Variants in ANK3 observed in about 807,000 individuals in gnomAD.
ANK3 encodes the protein ankyrin-3.
A neutral mutation model predicts 370.9 loss-of-function variants in ANK3; 57 were observed. The ratio of observed to expected loss-of-function variants is 0.15; its 90% CI spans 0.12 to 0.19. ANK3 has a LOEUF of 0.19. Ranked by LOEUF, ANK3 falls within the 10% of genes least tolerant of loss-of-function variation. ANK3 has a pLI of 1.00. For missense variants in ANK3, 4,439 were observed against 5,302.1 expected (o/e 0.84, Z 5.06); for synonymous variants, 1,929 against 1,946.3 (o/e 0.99, Z 0.23).
chr10:60,178,364 A>G (rs1445599824), intron 18 of ANK3, among the ~76,000 whole-genome samples: 1 of 152,170 alleles, frequency 6.6e-6, no homozygotes, highest in East Asian at 1.9e-4. Context: ...TTGGGACCTT[A>G]TGCAAGTAAT....
chr10:60,679,863 TG>T (rs2079171609), intron 1 of ANK3, among the ~76,000 whole-genome samples: 1 of 151,978 alleles, frequency 6.6e-6, no homozygotes. Context: ...GGGCCCAGCG[TG>T]GTGGCTCATG....
In ANK3 at chr10:60,362,112, A is replaced by G. The variant is rs145601820; in HGVS notation, c.114+27313T>C. ...TTGATATGCCCCACAACATATCTAT[A>G]CTCTCAGGATGTCCTATGTGGTCAC... On this transcript the variant is annotated intron_variant, in intron 1 of 43. Coordinates refer to ENST00000280772, the MANE Select transcript of ANK3 (RefSeq NM_020987.5). Among the ~76,000 whole-genome samples, 51 of 152,244 alleles carry G rather than the reference A, an allele frequency of 3.3e-4. No homozygotes were observed. The East Asian group carries it at 8.7e-3, about 26-fold the overall frequency.
chr10:60,073,323 T>C lies in ANK3; in HGVS notation c.7558A>G (p.Lys2520Glu). 1.2e-6 allele frequency: 2 copies of C among 1,614,076 alleles called. No individual in the cohort carries two copies. The highest frequency in any genetic ancestry group is 1.3e-5 in the African/African-American group (1 of 75,044). The change falls in exon 37 of 44, where the codon AAA (lysine) becomes GAA (glutamate). Residue 2520 changes from lysine to glutamate, a missense_variant. Coordinates refer to ENST00000280772, the MANE Select transcript of ANK3 (RefSeq NM_020987.5). ...PKKEILSKIY[K>E]DVSENGVGKV... Reference sequence around the variant, plus strand: ...CCTACACCATTTTCAGAAACATCTTTATAGATTTTGGAGAGAATTTCTTTT... The same window carrying C: ...CCTACACCATTTTCAGAAACATCTTCATAGATTTTGGAGAGAATTTCTTTT...
intron 1 of ANK3, among the ~76,000 whole-genome samples, chr10:60,297,791 A>G (rs902146461): frequency 1.3e-5 from 2 of 152,166 alleles, no homozygotes; most frequent in African/African-American, 4.8e-5. Context: ...GTAAGTAAAT[A>G]TTATATTTAC....
chr10:60,279,013 C>A, intron 3 of ANK3, 37 bp downstream of exon 3: 3 of 1,596,272 alleles, frequency 1.9e-6, no homozygotes, highest in Middle Eastern at 3.3e-4. Flanking sequence ...CAGAACATGG[C>A]GAGTGGTTCA....
Position 60,060,025 on chromosome 10 carries a change from T to G in ANK3, c.12596-595A>C, listed in dbSNP as rs201055213. The G allele has an allele frequency of 9.0e-4, 1,372 of 1,529,338 alleles. 1 individual carries two copies. The highest frequency in any genetic ancestry group is 1.1e-3 in the Non-Finnish European group (1,258 of 1,137,598). 94.7% of individuals were successfully genotyped at this position (1,529,338 alleles called of 1,614,324 possible). A position where few individuals can be genotyped will look rare whatever the true frequency, so the allele number is the denominator to read the frequency against. ...GGATAACCTATGGAAGACAGTACATTTGGACTGACTGGAATGAATTAGAAT... is the reference window on the plus strand; with the variant it reads ...GGATAACCTATGGAAGACAGTACATGTGGACTGACTGGAATGAATTAGAAT... On this transcript the variant is annotated intron_variant, in intron 40 of 43. Coordinates refer to ENST00000280772, the MANE Select transcript of ANK3 (RefSeq NM_020987.5).
At chr10:60,328,655 C>T (rs1367022847) in intron 1 of ANK3, among the ~76,000 whole-genome samples, 1 of 152,084 alleles carries the variant, frequency 6.6e-6, no homozygotes. Flanking sequence ...TAATAGCCGG[C>T]CAACCAAAAA....
At chr10:60,530,505 T>G (rs2133199262) in intron 2 of ANK3, among the ~76,000 whole-genome samples, 1 of 149,562 alleles carries the variant, frequency 6.7e-6, no homozygotes, top group African/African-American at 2.4e-5. Flanking sequence ...ATAAGAAAAC[T>G]AAGGCACTGG....
intron 17 of ANK3, among the ~76,000 whole-genome samples, chr10:60,183,495 C>T (rs1297555399): frequency 6.6e-6 from 1 of 151,938 alleles, no homozygotes; most frequent in Non-Finnish European, 1.5e-5. Flanking sequence ...TGAAGGTAAC[C>T]ACAGCCCTGT....
At chr10:60,325,580 G>A (rs1372379158) in intron 1 of ANK3, among the ~76,000 whole-genome samples, 2 of 152,108 alleles carry the variant, frequency 1.3e-5, no homozygotes, top group East Asian at 1.9e-4. Context: ...CACTTTTACT[G>A]ATTCTCTGTT....
At chr10:60,369,214 G>A (rs59807474) in intron 1 of ANK3, among the ~76,000 whole-genome samples, 87 of 152,250 alleles carry the variant, frequency 5.7e-4, no homozygotes, top group African/African-American at 1.9e-3. Context: ...AACATCTTTG[G>A]CTGCACATTT....
chr10:60,713,783 G>T (rs1035701418), intron 1 of ANK3, among the ~76,000 whole-genome samples: 1 of 151,920 alleles, frequency 6.6e-6, no homozygotes, highest in Non-Finnish European at 1.5e-5. Context: ...CCAGCTACTC[G>T]GGAGGCTGAG....
intron 1 of ANK3, among the ~76,000 whole-genome samples, chr10:60,667,279 T>A (rs1160347956): frequency 6.7e-6 from 1 of 150,122 alleles, no homozygotes. Context: ...AAGCCAGGTT[T>A]TAGAGATATA....
At chr10:60,535,822 G>C (rs2076711819) in intron 2 of ANK3, among the ~76,000 whole-genome samples, 1 of 151,898 alleles carries the variant, frequency 6.6e-6, no homozygotes, top group Admixed American at 6.6e-5. Context: ...TCACTGTGGG[G>C]AGATGATTAG....
chr10:60,630,469 A>C (rs2133339324), intron 1 of ANK3, among the ~76,000 whole-genome samples: 1 of 152,352 alleles, frequency 6.6e-6, no homozygotes, highest in Admixed American at 6.5e-5. Context: ...TCCAGCAGAA[A>C]ATGTTAGAAA....
chr10:60,291,567 T>C (rs1042187073), intron 1 of ANK3, among the ~76,000 whole-genome samples: 12 of 152,038 alleles, frequency 7.9e-5, no homozygotes, highest in African/African-American at 2.7e-4. Flanking sequence ...AAAAGCTCCA[T>C]GATATTATGC....
chr10:60,295,128 T>A (rs913041470), intron 1 of ANK3, among the ~76,000 whole-genome samples: 1 of 152,162 alleles, frequency 6.6e-6, no homozygotes, highest in Non-Finnish European at 1.5e-5. Context: ...CTATGTGATA[T>A]GTGTTTTCTA....
intron 8 of ANK3, among the ~76,000 whole-genome samples, chr10:60,216,737 G>T (rs1210550313): frequency 6.6e-6 from 1 of 152,028 alleles, no homozygotes; most frequent in East Asian, 1.9e-4. Context: ...TTTTTTTGTT[G>T]TGTCTCTTCC....
At chr10:60,399,013 T>G (rs1191398246) in intron 2 of ANK3, among the ~76,000 whole-genome samples, 1 of 152,224 alleles carries the variant, frequency 6.6e-6, no homozygotes, top group Non-Finnish European at 1.5e-5. Context: ...ATAAATTACT[T>G]CAATTACTTT....
Sources: allele counts gnomAD v4.1 joint callset (sites outside exome capture counted in the v4.1 genomes callset), GRCh38; gene constraint gnomAD v4.1.1; transcripts MANE v1.5; gene names NCBI Gene and HGNC (gene_info 2026-07-23, HGNC 2026-07-21).